Variants in PUS10 observed in about 807,000 individuals in gnomAD.
The protein encoded by PUS10 is pseudouridine synthase 10.
PUS10 carries 59 observed loss-of-function variants against 75.0 expected under a neutral mutation model. The observed-to-expected ratio is 0.79, with a 90% CI of 0.64 to 0.98. The LOEUF (loss-of-function observed/expected upper bound fraction) is 0.98, where lower values mean the gene tolerates loss of function less well. Ranked by LOEUF, PUS10 falls within the 50% of genes least tolerant of loss-of-function variation. PUS10 has a pLI of 0.00. For synonymous variants in PUS10, 219 were observed against 211.6 expected (o/e 1.03, Z -0.30); for missense variants, 650 against 614.4 (o/e 1.06, Z -0.61).
rs1489269368 is a variant in PUS10, at chr2:61,008,785, G to A, written c.357C>T (p.Phe119=). ...CNVCLGILQE[F]CEKDFIKKVC... is the part of the protein sequence containing the mutation. Reference sequence around the variant, plus strand: ...CCTTTTTAATGAAATCTTTCTCACAGAATTCTTGAAGAATTCCTAGGCATA... The same window carrying A: ...CCTTTTTAATGAAATCTTTCTCACAAAATTCTTGAAGAATTCCTAGGCATA... The change falls in exon 3 of 18, where the codon TTC becomes TTT. Residue 119 remains phenylalanine, a synonymous_variant. Coordinates refer to ENST00000316752, the MANE Select transcript of PUS10 (RefSeq NM_144709.4). The A allele has an allele frequency of 1.3e-6, 2 of 1,586,704 alleles. No homozygotes were observed. The highest frequency in any genetic ancestry group is 1.4e-5 in the African/African-American group (1 of 73,778).
At chr2:60,943,028 C>G (rs1674710708) in intron 17 of PUS10, among the ~76,000 whole-genome samples, 1 of 127,870 alleles carries the variant, frequency 7.8e-6, no homozygotes, top group African/African-American at 3.0e-5. Context: ...GAGACCCTAT[C>G]TATCTCAGAA....
chr2:60,960,009 C>T (rs1196520888), intron 11 of PUS10, among the ~76,000 whole-genome samples: 4 of 151,362 alleles, frequency 2.6e-5, no homozygotes. Flanking sequence ...TGAGACCCCC[C>T]AATCTCTAAA....
Position 60,942,311 on chromosome 2 carries a change from G to T in PUS10, c.*84C>A. On this transcript the variant is annotated 3_prime_UTR_variant, in exon 18 of 18. Transcript: ENST00000316752. ...AGTTTTCAAGACACCGTTATGGTGGGTAAACAGCCATTTTACGGCATGTGC... is the reference window on the plus strand; with the variant it reads ...AGTTTTCAAGACACCGTTATGGTGGTTAAACAGCCATTTTACGGCATGTGC... The T allele has an allele frequency of 1.8e-6, 2 of 1,098,068 alleles. No homozygotes were observed. The highest frequency in any genetic ancestry group is 2.8e-6 in the Non-Finnish European group (2 of 709,528). 68.0% of individuals were successfully genotyped at this position (1,098,068 alleles called of 1,614,324 possible).
chr2:60,949,975 T>C (rs1423720361), intron 15 of PUS10, among the ~76,000 whole-genome samples: 1 of 152,254 alleles, frequency 6.6e-6, no homozygotes, highest in African/African-American at 2.4e-5. Flanking sequence ...CCTATTTTTT[T>C]AATGAGTTTA....
At chr2:61,001,986 T>C (rs1474560424) in intron 4 of PUS10, among the ~76,000 whole-genome samples, 12 of 152,224 alleles carry the variant, frequency 7.9e-5, no homozygotes, top group Admixed American at 7.2e-4. Context: ...ATTCTACTTA[T>C]GCCTCTTCCT....
chr2:60,956,907 T>A (rs1002930513), intron 11 of PUS10, among the ~76,000 whole-genome samples: 5 of 130,220 alleles, frequency 3.8e-5, no homozygotes, highest in Admixed American at 9.8e-5. Flanking sequence ...CCTGGGAGGC[T>A]GAGCTTGCAG....
chr2:60,975,756 T>C (rs1676997507), intron 4 of PUS10, among the ~76,000 whole-genome samples: 1 of 151,650 alleles, frequency 6.6e-6, no homozygotes, highest in South Asian at 2.1e-4. Context: ...TCATTCTTTT[T>C]CTTTGTTTTT....
At position 61,010,571 on chromosome 2, in the gene PUS10, C is replaced by G; in HGVS notation, c.126+1194G>C. ...TGAACCCCTGACCTCGTGATCCACC[C>G]GCCTCGGCCTCCCAAAGTGCTAGGA... is the stretch of plus-strand genomic sequence containing the variant. On this transcript the variant is annotated intron_variant, in intron 2 of 17. Transcript: ENST00000316752. 4 of 392,882 alleles carry G rather than the reference C, an allele frequency of 1.0e-5. No individual in the cohort carries two copies. In the South Asian group the frequency reaches 1.0e-4, roughly 10 times the overall value. The allele number at this position is 392,882 out of a possible 1,614,324, so 24.3% of individuals were successfully genotyped here.
At chr2:60,985,154 A>G (rs1439687790) in intron 4 of PUS10, among the ~76,000 whole-genome samples, 1 of 152,214 alleles carries the variant, frequency 6.6e-6, no homozygotes, top group Non-Finnish European at 1.5e-5. Flanking sequence ...GCTAAAATGA[A>G]TTATATCTCA....
intron 1 of PUS10, 96 bp from the exon 2 acceptor site, chr2:61,012,001 A>G: frequency 1.1e-6 from 1 of 937,964 alleles, no homozygotes; most frequent in Non-Finnish European, 1.5e-6. Flanking sequence ...CTTTCATTTG[A>G]AAAACACTAT....
chr2:60,965,372 A>G (rs1676273672), intron 7 of PUS10, 51 bp downstream of exon 7: 1 of 1,392,200 alleles, frequency 7.2e-7, no homozygotes, highest in Non-Finnish European at 1.0e-6. Flanking sequence ...CATGAAAACC[A>G]AACAGCATTA....
intron 17 of PUS10, among the ~76,000 whole-genome samples, chr2:60,943,199 C>T (rs1558850124): frequency 6.6e-6 from 1 of 152,050 alleles, no homozygotes; most frequent in East Asian, 1.9e-4. Context: ...AGCCTATAGT[C>T]TTGTTGTAAC....
chr2:60,987,378 G>A (rs1159156305), intron 4 of PUS10, among the ~76,000 whole-genome samples: 1 of 152,008 alleles, frequency 6.6e-6, no homozygotes, highest in African/African-American at 2.4e-5. Flanking sequence ...TGTAATATTT[G>A]CAAGGAAGAG....
At chr2:60,943,803 G>A (rs909382442) in intron 17 of PUS10, among the ~76,000 whole-genome samples, 2 of 151,174 alleles carry the variant, frequency 1.3e-5, no homozygotes, top group Non-Finnish European at 2.9e-5. Context: ...TGGAGGGGAG[G>A]CAAGTTGTAG....
chr2:61,004,673 C>T (rs1679090308), intron 4 of PUS10, among the ~76,000 whole-genome samples: 1 of 143,730 alleles, frequency 7.0e-6, no homozygotes, highest in Non-Finnish European at 1.5e-5. Flanking sequence ...ATAAAAACAG[C>T]AAATCACGAA....
intron 11 of PUS10, among the ~76,000 whole-genome samples, chr2:60,956,119 A>G (rs1380088563): frequency 6.6e-6 from 1 of 152,150 alleles, no homozygotes; most frequent in Non-Finnish European, 1.5e-5. Flanking sequence ...TAAGGGGCTT[A>G]CACAACAACT....
At chr2:60,947,979 G>A (rs1480987987) in intron 16 of PUS10, 64 bp downstream of exon 16, 11 of 1,575,722 alleles carry the variant, frequency 7.0e-6, no homozygotes, top group Non-Finnish European at 9.6e-6. Flanking sequence ...GTTTTCTAGG[G>A]GACCATGAAC....
chr2:60,947,963 G>T, intron 16 of PUS10, 80 bp downstream of exon 16: 1 of 1,483,890 alleles, frequency 6.7e-7, no homozygotes, highest in Non-Finnish European at 9.4e-7. Context: ...AGACCAAGCT[G>T]ACCCTGTTTT....
intron 1 of PUS10, among the ~76,000 whole-genome samples, chr2:61,016,695 A>G (rs916505055): frequency 6.6e-6 from 1 of 152,176 alleles, no homozygotes; most frequent in African/African-American, 2.4e-5. Context: ...TTACTGGAGG[A>G]GAGGAAGGAC....
Sources: gnomAD v4.1 joint callset for allele counts (sites outside exome capture counted in the v4.1 genomes callset) on GRCh38, gnomAD v4.1.1 for gene constraint, MANE v1.5 for transcripts, NCBI Gene and HGNC (gene_info 2026-07-23, HGNC 2026-07-21) for gene names.